Variants in DLG2 observed in about 807,000 individuals in gnomAD.
The protein encoded by DLG2 is disks large homolog 2.
Under a neutral mutation model 132.5 loss-of-function variants are expected in DLG2, and 45 were observed. The observed-to-expected ratio is 0.34, with a 90% CI of 0.27 to 0.44. The LOEUF is 0.44. Among genes scored for constraint, DLG2 ranks in the 20% least tolerant of loss-of-function variants. The probability of loss-of-function intolerance (pLI) is 1.00; values close to 1 mark genes in which losing one functional copy is unlikely to be tolerated. For missense variants in DLG2, 1,045 were observed against 1,196.9 expected, an observed-to-expected ratio of 0.87 and a Z score of 1.87; for synonymous variants, 424 against 419.6, an observed-to-expected ratio of 1.01 and a Z score of -0.13.
At chr11:84,657,328 GA>G (rs1565579173) in intron 6 of DLG2, among the ~76,000 whole-genome samples, 2 of 152,128 alleles carry the variant, frequency 1.3e-5, no homozygotes, top group South Asian at 4.1e-4. Flanking sequence ...TTGATGGAAT[GA>G]CTACAGACAG....
At chr11:84,534,100 T>C (rs2099349807) in intron 7 of DLG2, among the ~76,000 whole-genome samples, 1 of 152,162 alleles carries the variant, frequency 6.6e-6, no homozygotes, top group Admixed American at 6.5e-5. Context: ...ATAAATCTAG[T>C]AAACAATTTT....
At chr11:85,427,824 A>G (rs1176637548) in intron 3 of DLG2, among the ~76,000 whole-genome samples, 1 of 152,234 alleles carries the variant, frequency 6.6e-6, no homozygotes, top group Admixed American at 6.5e-5. Context: ...TAAAAGACAC[A>G]GACTGGCAAA....
At chr11:85,349,009 C>T (rs193239098) in intron 3 of DLG2, among the ~76,000 whole-genome samples, 2 of 152,246 alleles carry the variant, frequency 1.3e-5, no homozygotes, top group Admixed American at 6.5e-5. Context: ...GAATGGACTC[C>T]TCCTCTCAGC....
At chr11:83,708,802 T>C (rs1030722758) in intron 18 of DLG2, among the ~76,000 whole-genome samples, 2 of 152,232 alleles carry the variant, frequency 1.3e-5, no homozygotes, top group East Asian at 1.9e-4. Flanking sequence ...AGGAAGAAAC[T>C]GGGGGATAGA....
At chr11:83,982,250 T>C (rs2092853761) in intron 11 of DLG2, among the ~76,000 whole-genome samples, 1 of 151,948 alleles carries the variant, frequency 6.6e-6, no homozygotes, top group Non-Finnish European at 1.5e-5. Context: ...AAATGTTAAT[T>C]GTAGAAAAGC....
intron 6 of DLG2, among the ~76,000 whole-genome samples, chr11:85,078,979 T>C (rs747134680): frequency 1.3e-5 from 2 of 151,756 alleles, no homozygotes; most frequent in African/African-American, 2.4e-5. Flanking sequence ...CCTCAGAACA[T>C]GCACCCAAGG....
At chr11:85,345,652 A>T (rs2082782131) in intron 3 of DLG2, among the ~76,000 whole-genome samples, 1 of 152,018 alleles carries the variant, frequency 6.6e-6, no homozygotes, top group Non-Finnish European at 1.5e-5. Flanking sequence ...CATAAAATAC[A>T]TCCTTAACTG....
intron 6 of DLG2, among the ~76,000 whole-genome samples, chr11:84,939,639 T>G (rs1207082073): frequency 6.6e-6 from 1 of 152,190 alleles, no homozygotes; most frequent in African/African-American, 2.4e-5. Flanking sequence ...ATTGTTTTCA[T>G]TTTTAGCTCC....
chr11:83,615,302 T>C (rs537544688), intron 19 of DLG2, among the ~76,000 whole-genome samples: 1 of 152,308 alleles, frequency 6.6e-6, no homozygotes, highest in East Asian at 1.9e-4. Context: ...TACAAGGCAA[T>C]TGACATTACT....
At chr11:85,056,168 T>C (rs1226558061) in intron 6 of DLG2, among the ~76,000 whole-genome samples, 1 of 152,072 alleles carries the variant, frequency 6.6e-6, no homozygotes, top group Non-Finnish European at 1.5e-5. Context: ...TTAGAAAAGA[T>C]CTTTGAAATA....
rs60714512 is a variant in DLG2, at chr11:84,823,581, CCACACACACA to C, written c.357+288070_357+288079del. Among the ~76,000 whole-genome samples the C allele has an allele frequency of 7.8e-3, 1,046 of 134,488 alleles. 5 individuals carry two copies. The highest frequency in any genetic ancestry group is 0.011 in the South Asian group (40 of 3,760). 88.2% of individuals were successfully genotyped at this position (134,488 alleles called of 152,430 possible). A position where few individuals can be genotyped will look rare whatever the true frequency, so the allele number is the denominator to read the frequency against. ...CTGTTAGAATGGGATGGTTGTATAT[CCACACACACA>C]CACACACACACACACACACACACAC... On this transcript the variant is annotated intron_variant, in intron 6 of 27. Transcript: ENST00000376104.
chr11:84,353,966 T>C (rs567671184), intron 7 of DLG2, among the ~76,000 whole-genome samples: 3 of 152,268 alleles, frequency 2.0e-5, no homozygotes, highest in East Asian at 3.9e-4. Flanking sequence ...CTCTCCTCCA[T>C]AGCACTTATC....
At chr11:84,525,345 T>C (rs1457505522) in intron 7 of DLG2, among the ~76,000 whole-genome samples, 1 of 152,204 alleles carries the variant, frequency 6.6e-6, no homozygotes, top group Non-Finnish European at 1.5e-5. Flanking sequence ...TAAAATCTGC[T>C]CTTCCTCTGG....
intron 11 of DLG2, among the ~76,000 whole-genome samples, chr11:83,983,677 C>T: frequency 6.6e-6 from 1 of 151,834 alleles, no homozygotes; most frequent in Non-Finnish European, 1.5e-5. Flanking sequence ...ATCTAATTTC[C>T]TTGTGATGTG....
chr11:84,735,965 T>C (rs932582694), intron 6 of DLG2, among the ~76,000 whole-genome samples: 1 of 152,024 alleles, frequency 6.6e-6, no homozygotes, highest in Non-Finnish European at 1.5e-5. Context: ...TTTTCATATC[T>C]AAGAAATCTG....
intron 6 of DLG2, among the ~76,000 whole-genome samples, chr11:84,820,432 C>A (rs926908797): frequency 6.6e-6 from 1 of 151,864 alleles, no homozygotes; most frequent in Admixed American, 6.6e-5. Flanking sequence ...CAGGTAATCA[C>A]GCTTTGCCCC....
intron 7 of DLG2, among the ~76,000 whole-genome samples, chr11:84,372,420 G>A (rs749158090): frequency 2.0e-5 from 3 of 152,118 alleles, no homozygotes; most frequent in Non-Finnish European, 4.4e-5. Context: ...CACGAAATTT[G>A]TATTTAATAA....
chr11:83,761,817 G>A (rs1327944481), intron 18 of DLG2, among the ~76,000 whole-genome samples: 1 of 152,178 alleles, frequency 6.6e-6, no homozygotes, highest in African/African-American at 2.4e-5. Flanking sequence ...ACCTAGCACA[G>A]ATCCCACAAC....
intron 6 of DLG2, among the ~76,000 whole-genome samples, chr11:84,724,346 T>C (rs776280313): frequency 5.3e-5 from 8 of 152,194 alleles, no homozygotes; most frequent in Non-Finnish European, 1.2e-4. Flanking sequence ...GAAAATTTGC[T>C]CTTCTATAAC....
Sources: allele counts gnomAD v4.1 joint callset (sites outside exome capture counted in the v4.1 genomes callset), GRCh38; gene constraint gnomAD v4.1.1; transcripts MANE v1.5; gene names NCBI Gene and HGNC (gene_info 2026-07-23, HGNC 2026-07-21).